Variants in UVRAG observed in about 807,000 individuals in gnomAD.
The protein encoded by UVRAG is UV radiation resistance associated.
Under a neutral mutation model 78.0 loss-of-function variants are expected in UVRAG, and 19 were observed. The ratio of observed to expected loss-of-function variants is 0.24; its 90% CI spans 0.17 to 0.36. The LOEUF is 0.36. Among genes scored for constraint, UVRAG ranks in the 10% least tolerant of loss-of-function variants. UVRAG has a pLI of 1.00. For synonymous variants in UVRAG, 323 were observed against 324.6 expected, an observed-to-expected ratio of 1.00 and a Z score of 0.05; for missense variants, 740 against 853.8, an observed-to-expected ratio of 0.87 and a Z score of 1.66.
intron 6 of UVRAG, among the ~76,000 whole-genome samples, chr11:75,912,391 G>C (rs1200797558): frequency 2.6e-5 from 4 of 152,140 alleles, no homozygotes; most frequent in African/African-American, 9.7e-5. Flanking sequence ...CACTCGGAAA[G>C]CCCTTCAACG....
chr11:75,903,991 A>G (rs1947563847), intron 5 of UVRAG, among the ~76,000 whole-genome samples: 1 of 152,238 alleles, frequency 6.6e-6, no homozygotes, highest in Non-Finnish European at 1.5e-5. Context: ...CATCCAATGA[A>G]CTAGTACAGG....
intron 1 of UVRAG, among the ~76,000 whole-genome samples, chr11:75,847,427 C>T (rs961135592): frequency 7.9e-5 from 12 of 151,974 alleles, no homozygotes; most frequent in African/African-American, 2.9e-4. Context: ...GTGCCCAGCC[C>T]AGCTAATTTA....
intron 11 of UVRAG, among the ~76,000 whole-genome samples, chr11:76,016,360 A>T (rs1454808585): frequency 1.3e-5 from 2 of 152,178 alleles, no homozygotes; most frequent in African/African-American, 2.4e-5. Flanking sequence ...ATTTCCCTTT[A>T]GAATTAATAA....
At chr11:75,967,525 A>C (rs1268413817) in intron 7 of UVRAG, among the ~76,000 whole-genome samples, 1 of 152,220 alleles carries the variant, frequency 6.6e-6, no homozygotes, top group African/African-American at 2.4e-5. Context: ...TTTGGGGGGA[A>C]GAATTACTAC....
At chr11:75,972,295 C>T (rs1334755529) in intron 7 of UVRAG, among the ~76,000 whole-genome samples, 2 of 152,086 alleles carry the variant, frequency 1.3e-5, no homozygotes, top group African/African-American at 4.8e-5. Flanking sequence ...TATCTCCAAA[C>T]CCAGAGTCTT....
chr11:76,099,184 G>A (rs955140294), intron 13 of UVRAG, among the ~76,000 whole-genome samples: 32 of 152,152 alleles, frequency 2.1e-4, no homozygotes, highest in African/African-American at 7.5e-4. Flanking sequence ...CCCCAAAAAA[G>A]TCTATTAACT....
At chr11:75,971,920 A>C (rs1472849473) in intron 7 of UVRAG, among the ~76,000 whole-genome samples, 1 of 152,044 alleles carries the variant, frequency 6.6e-6, no homozygotes, top group East Asian at 1.9e-4. Context: ...CGAACTCCTG[A>C]CCTCAGCTAA....
chr11:76,059,323 CTA>C (rs1403987050), intron 12 of UVRAG, among the ~76,000 whole-genome samples: 2 of 152,188 alleles, frequency 1.3e-5, no homozygotes, highest in African/African-American at 4.8e-5. Context: ...ACTAGAAAAA[CTA>C]TGTCTTTTCT....
intron 3 of UVRAG, among the ~76,000 whole-genome samples, chr11:75,877,455 C>T (rs1430105134): frequency 5.3e-5 from 8 of 150,684 alleles, no homozygotes; most frequent in African/African-American, 1.2e-4. Context: ...ACCTCCCGGA[C>T]GGGGGGTGAC....
chr11:76,126,201 A>T (rs1952388799), intron 14 of UVRAG, among the ~76,000 whole-genome samples: 2 of 152,144 alleles, frequency 1.3e-5, no homozygotes, highest in Non-Finnish European at 2.9e-5. Context: ...TCGGCCTCCC[A>T]AAGTGCTGGG....
chr11:76,009,004 TCAGA>T, intron 11 of UVRAG, 137 bp downstream of exon 11: 1 of 483,952 alleles, frequency 2.1e-6, no homozygotes, highest in South Asian at 4.7e-5. Flanking sequence ...AGTATGTATA[TCAGA>T]CTCCTTGATG....
intron 1 of UVRAG, among the ~76,000 whole-genome samples, chr11:75,824,003 G>A (rs886210057): frequency 6.6e-6 from 1 of 151,932 alleles, no homozygotes; most frequent in African/African-American, 2.4e-5. Flanking sequence ...CCCTTTCTGT[G>A]TTTATGTTTA....
At chr11:75,866,647 A>G (rs1019484411) in intron 3 of UVRAG, among the ~76,000 whole-genome samples, 1 of 151,878 alleles carries the variant, frequency 6.6e-6, no homozygotes, top group Non-Finnish European at 1.5e-5. Context: ...AGCTTTTTGT[A>G]TGGTTGTCTT....
intron 13 of UVRAG, among the ~76,000 whole-genome samples, chr11:76,066,422 C>T (rs1951186920): frequency 6.6e-6 from 1 of 152,118 alleles, no homozygotes; most frequent in Non-Finnish European, 1.5e-5. Flanking sequence ...TGTAGGCATT[C>T]CACAAGTTTT....
intron 3 of UVRAG, among the ~76,000 whole-genome samples, chr11:75,877,006 T>C (rs1193856176): frequency 5.3e-5 from 8 of 151,314 alleles, no homozygotes; most frequent in Admixed American, 4.6e-4. Context: ...CCTTCCGCAG[T>C]GTTTGTGTCC....
intron 12 of UVRAG, among the ~76,000 whole-genome samples, chr11:76,063,738 G>T (rs771806708): frequency 6.6e-6 from 1 of 151,902 alleles, no homozygotes; most frequent in African/African-American, 2.4e-5. Flanking sequence ...TGGTGTTATG[G>T]ACCTGCTTCT....
intron 8 of UVRAG, among the ~76,000 whole-genome samples, chr11:75,989,691 T>C (rs1387628820): frequency 6.6e-6 from 1 of 152,254 alleles, no homozygotes; most frequent in African/African-American, 2.4e-5. Flanking sequence ...GCTCAAATAC[T>C]ACCTCTCCTT....
chr11:75,981,913 G>GTTT (rs113593826), intron 7 of UVRAG, among the ~76,000 whole-genome samples: 1 of 147,634 alleles, frequency 6.8e-6, no homozygotes, highest in African/African-American at 2.5e-5. Flanking sequence ...AGACTTTCTA[G>GTTT]TTTTTTTTTT....
intron 9 of UVRAG, among the ~76,000 whole-genome samples, chr11:76,006,450 A>G (rs1273805205): frequency 2.6e-5 from 4 of 152,020 alleles, no homozygotes; most frequent in African/African-American, 4.8e-5. Flanking sequence ...GCTTGAGCCT[A>G]TGAGTTTGAG....
Sources: allele counts gnomAD v4.1 joint callset (sites outside exome capture counted in the v4.1 genomes callset), GRCh38; gene constraint gnomAD v4.1.1; transcripts MANE v1.5; gene names NCBI Gene and HGNC (gene_info 2026-07-23, HGNC 2026-07-21).